The following IRF9 variants were observed in gnomAD, a reference collection of about 807,000 sequenced individuals.
IRF9 encodes interferon regulatory factor 9, also known as IFN-alpha-responsive transcription factor subunit.
IRF9 carries 13 observed loss-of-function variants against 44.1 expected under a neutral mutation model. The ratio of observed to expected loss-of-function variants is 0.29; its 90% CI spans 0.19 to 0.47. The LOEUF is 0.47. Among genes scored for constraint, IRF9 ranks in the 20% least tolerant of loss-of-function variants. IRF9 has a pLI of 1.00. For synonymous variants in IRF9, 189 were observed against 188.5 expected (o/e 1.00, Z -0.02); for missense variants, 373 against 496.1 (o/e 0.75, Z 2.36).
Position 24,163,935 on chromosome 14 carries a change from A to C in IRF9, c.553A>C (p.Ser185Arg), listed in dbSNP as rs768337516. The C allele has an allele frequency of 8.7e-6, 14 of 1,606,194 alleles. 1 individual carries two copies. The South Asian group carries it at 1.6e-4, about 18-fold the overall frequency. Residue 185 changes from serine to arginine, a missense_variant, in exon 5 of 9, where the codon AGC (serine) becomes CGC (arginine). This residue lies in a region of IRF9 where 227 missense variants were observed against 255.3 expected (regional missense o/e 0.89). Transcript: ENST00000396864. ...VHSDIGSSSS[S>R]SSPEPQEVTD... ...TTCAGACATTGGGAGCAGCAGCAGCAGCAGCAGCCCTGAGCCACAGGAAGG... is the reference window on the plus strand; with the variant it reads ...TTCAGACATTGGGAGCAGCAGCAGCCGCAGCAGCCCTGAGCCACAGGAAGG...
At chr14:24,162,100 C>T (rs2038464246) in intron 1 of IRF9, 44 bp from the exon 2 acceptor site, 1 of 1,584,276 alleles carries the variant, frequency 6.3e-7, no homozygotes, top group Non-Finnish European at 8.6e-7. Flanking sequence ...ATGTTCCCTC[C>T]CAAAGTGTCA....
Position 24,164,710 on chromosome 14 carries a change from G to T in IRF9, c.746G>T (p.Gly249Val), listed in dbSNP as rs370632116. 6.2e-7 allele frequency: 1 copy of T among 1,613,424 alleles called. No homozygotes were observed. The highest frequency in any genetic ancestry group is 2.2e-5 in the East Asian group (1 of 44,886). ...LDCRLVAEPS[G>V]SESSMEQVLF... is the part of the protein sequence containing the mutation. ...TGCCGCCTTGTGGCTGAGCCCTCAG[G>T]CTCTGAGAGCAGCATGGAGCAGGTG... Residue 249 changes from glycine (G) to valine (V), a missense_variant, in exon 7 of 9, where the codon GGC becomes GTC. Gly to Val is a moderately radical substitution (Grantham distance 109). Transcript: ENST00000396864. The surrounding 1 kb of genome is among the most constrained non-coding windows in gnomAD (Gnocchi z 5.2).
chr14:24,164,632 C>A lies in IRF9; in HGVS notation c.668C>A (p.Thr223Asn). Residue 223 changes from threonine to asparagine, a missense_variant, in exon 7 of 9, where the codon ACC (threonine) becomes AAC (asparagine). By Grantham distance (65) the Thr-to-Asn change is moderately conservative. This residue lies in a region of IRF9 where 146 missense variants were observed against 240.8 expected (regional missense o/e 0.61). Coordinates refer to ENST00000396864, the MANE Select transcript of IRF9 (RefSeq NM_006084.5). The surrounding 1 kb of genome is among the most constrained non-coding windows in gnomAD (Gnocchi z 5.2). Reference sequence around the variant, plus strand: ...TCCCCAGACTACTCACTGCTGCTCACCTTCATCTACAACGGGCGCGTGGTG... The same window carrying A: ...TCCCCAGACTACTCACTGCTGCTCAACTTCATCTACAACGGGCGCGTGGTG... ...PPEPDYSLLL[T>N]FIYNGRVVGE... 3 of 1,606,044 alleles carry A rather than the reference C, an allele frequency of 1.9e-6. No individual in the cohort carries two copies. The highest frequency in any genetic ancestry group is 2.6e-6 in the Non-Finnish European group (3 of 1,174,686).
chr14:24,166,290 T>C lies in IRF9; in HGVS notation c.*94T>C. ...TCACACGATTGACCTGTCCTCTTTGTGATAATTCTCAGTAGTTGTCCGTGA... is the reference window on the plus strand; with the variant it reads ...TCACACGATTGACCTGTCCTCTTTGCGATAATTCTCAGTAGTTGTCCGTGA... On this transcript the variant is annotated 3_prime_UTR_variant, in exon 9 of 9. Transcript: ENST00000396864. The C allele has an allele frequency of 9.1e-7, 1 of 1,102,602 alleles. No homozygotes were observed. Among genetic ancestry groups the C allele is most frequent in the Non-Finnish European group, 1.4e-6 (1 of 738,874 alleles). The allele number at this position is 1,102,602 out of a possible 1,614,324, so 68.3% of individuals were successfully genotyped here. A position where few individuals can be genotyped will look rare whatever the true frequency, so the allele number is the denominator to read the frequency against.
rs2038467548 is a variant in IRF9 at position 24,162,266 on chromosome 14, C to T, written c.122C>T (p.Pro41Leu). ...ACAGCTAAGACCATGTTCCGGATTC[C>T]CTGGAAACATGCAGGCAAGCAGGAC... is the stretch of plus-strand genomic sequence containing the variant. ...DDTAKTMFRI[P>L]WKHAGKQDFR... is the part of the protein sequence containing the mutation. Residue 41 changes from proline (P) to leucine (L), a missense_variant, in exon 2 of 9, where the codon CCC (proline) becomes CTC (leucine). Physicochemically the swap from Pro to Leu is moderately conservative, Grantham distance 98 (BLOSUM62 -3). Coordinates refer to ENST00000396864, the MANE Select transcript of IRF9 (RefSeq NM_006084.5). 3.1e-6 allele frequency: 5 copies of T among 1,614,096 alleles called. No individual in the cohort carries two copies. Among genetic ancestry groups the T allele is most frequent in the African/African-American group, 1.3e-5 (1 of 74,998 alleles).
rs2139107972 is a variant in IRF9 at position 24,166,349 on chromosome 14, C to T, written c.*153C>T. 1.5e-6 allele frequency: 1 copy of T among 677,096 alleles called. No individual in the cohort carries two copies. The allele number at this position is 677,096 out of a possible 1,614,324, so 41.9% of individuals were successfully genotyped here. A position where few individuals can be genotyped will look rare whatever the true frequency, so the allele number is the denominator to read the frequency against. The stretch of plus-strand genomic sequence containing the variant: ...TCCTGAAAATCCTCGCACACACTGG[C>T]TGGTGGAGAACTCAAGGCTAATTTT... On this transcript the variant is annotated 3_prime_UTR_variant, in exon 9 of 9. Coordinates refer to ENST00000396864, the MANE Select transcript of IRF9 (RefSeq NM_006084.5).
chr14:24,162,138 C>T lies in IRF9; in HGVS notation c.-1-6C>T, dbSNP rs764383454. 13 of 1,612,864 alleles carry T rather than the reference C, an allele frequency of 8.1e-6. No homozygotes were observed. In the Admixed American group the frequency reaches 1.8e-4, roughly 23 times the overall value. ...TCTGATGCATCCTGCTCCTATTATC[C>T]CCCAGGATGGCATCAGGCAGGGCAC... On this transcript the variant is annotated splice_polypyrimidine_tract_variant and splice_region_variant and intron_variant, in intron 1 of 8. Coordinates refer to ENST00000396864, the MANE Select transcript of IRF9 (RefSeq NM_006084.5).
At chr14:24,163,802 A>G (rs367867066) in intron 4 of IRF9, 76 bp from the exon 5 acceptor site, 12 of 1,438,082 alleles carry the variant, frequency 8.3e-6, no homozygotes, top group East Asian at 4.9e-5. Context: ...GCGCCACTGC[A>G]CTCCAGCCTG....
rs1356323666 is a variant in IRF9, at chr14:24,162,279, A to C, written c.135A>C (p.Ala45=). Residue 45 remains alanine (A), a synonymous_variant, in exon 2 of 9, where the codon GCA becomes GCC. Transcript: ENST00000396864. ...TGTTCCGGATTCCCTGGAAACATGC[A>C]GGCAAGCAGGACTTCCGGGAGGACC... The part of the protein sequence containing the change: ...KTMFRIPWKH[A]GKQDFREDQD... The C allele has an allele frequency of 6.2e-7, 1 of 1,614,180 alleles. No individual in the cohort carries two copies. The highest frequency in any genetic ancestry group is 1.7e-5 in the Admixed American group (1 of 60,022).
intron 8 of IRF9, 27 bp from the exon 9 acceptor site, chr14:24,166,095 T>A: frequency 6.2e-7 from 1 of 1,610,984 alleles, no homozygotes; most frequent in Non-Finnish European, 8.5e-7. Context: ...CGCACTGAGA[T>A]GCTCTTCTCC....
Position 24,164,178 on chromosome 14 carries a change from G to C in IRF9, c.649+44G>C, listed in dbSNP as rs753865002. On this transcript the variant is annotated intron_variant, in intron 6 of 8. Transcript: ENST00000396864. This position sits in a 1 kb window ranked among gnomAD's most constrained non-coding sequence, Gnocchi z 5.2. ...TTTCTCCTGTGCCCTGTGCCCCTGA[G>C]GTCTTCCACCTTTGACTATGCATGC... The C allele has an allele frequency of 3.3e-6, 5 of 1,534,922 alleles. No homozygotes were observed. In the East Asian group the frequency reaches 1.1e-4, roughly 34 times the overall value.
Position 24,162,764 on chromosome 14 carries a change from A to G in IRF9, c.181-202A>G, listed in dbSNP as rs56076165. On this transcript the variant is annotated intron_variant, in intron 2 of 8. Coordinates refer to ENST00000396864, the MANE Select transcript of IRF9 (RefSeq NM_006084.5). ...TAGTGAGTCGAGATCGCACCACTGCACTCCAGCCTGGTGACAGAGTGAGAC... is the reference window on the plus strand; with the variant it reads ...TAGTGAGTCGAGATCGCACCACTGCGCTCCAGCCTGGTGACAGAGTGAGAC... 1,568 of 551,036 alleles carry G rather than the reference A, an allele frequency of 2.8e-3. 32 individuals carry two copies. The East Asian group carries it at 0.043, about 15-fold the overall frequency. The allele number at this position is 551,036 out of a possible 1,614,324, so 34.1% of individuals were successfully genotyped here.
chr14:24,162,345 C>T, intron 2 of IRF9, 21 bp downstream of exon 2: 11 of 1,608,238 alleles, frequency 6.8e-6, no homozygotes, highest in Non-Finnish European at 9.3e-6. Flanking sequence ...CTGGAAACCA[C>T]TGTTCCTCTG....
intron 2 of IRF9, chr14:24,162,535 C>G (rs903106736): frequency 1.3e-5 from 7 of 542,568 alleles, no homozygotes; most frequent in African/African-American, 1.9e-5. Flanking sequence ...GGCACGGTGG[C>G]TCACGCCTGT....
Position 24,164,948 on chromosome 14 carries a change from C to T in IRF9, c.984C>T (p.Phe328=). Reference sequence around the variant, plus strand: ...TGGAGCTCTTCAGAACCGCCTACTTCTGCAGAGGTGAGGCTGTTCTCTCTG... The same window carrying T: ...TGGAGCTCTTCAGAACCGCCTACTTTTGCAGAGGTGAGGCTGTTCTCTCTG... ...ECVELFRTAY[F]CRDLVRYFQG... The change falls in exon 7 of 9, where the codon TTC becomes TTT. Residue 328 remains phenylalanine, a synonymous_variant. Transcript: ENST00000396864. This position sits in a 1 kb window ranked among gnomAD's most constrained non-coding sequence, Gnocchi z 5.2. 1.9e-6 allele frequency: 3 copies of T among 1,611,120 alleles called. No homozygotes were observed. The highest frequency in any genetic ancestry group is 2.5e-6 in the Non-Finnish European group (3 of 1,178,408).
In IRF9 at chr14:24,163,896, G is replaced by T. The variant is rs201838285; in HGVS notation, c.514G>T (p.Gly172Trp). 1.3e-6 allele frequency: 2 copies of T among 1,595,554 alleles called. No homozygotes were observed. Among genetic ancestry groups the T allele is most frequent in the Admixed American group, 1.9e-5 (1 of 52,610 alleles). ...SLNNEEEGAS[G>W]GAVHSDIGSS... is the part of the protein sequence containing the mutation. ...TCCGCAGGAGGAGGAGGGGGCCAGT[G>T]GGGGAGCAGTCCATTCAGACATTGG... The change falls in exon 5 of 9, where the codon GGG (glycine) becomes TGG (tryptophan). Residue 172 changes from glycine to tryptophan, a missense_variant. Transcript: ENST00000396864.
At chr14:24,165,202 G>A (rs1311513063) in intron 7 of IRF9, 2 of 702,714 alleles carry the variant, frequency 2.8e-6, no homozygotes, top group Admixed American at 4.0e-5. Flanking sequence ...CAGCACAAGA[G>A]TGTCATATCT....
chr14:24,165,830 G>A lies in IRF9; in HGVS notation c.992-17G>A. On this transcript the variant is annotated splice_polypyrimidine_tract_variant and intron_variant, in intron 7 of 8. Coordinates refer to ENST00000396864, the MANE Select transcript of IRF9 (RefSeq NM_006084.5). Reference sequence around the variant, plus strand: ...TCTTCTTTTTGTTCTTCGAACCCTTGACCCTTTCTCTTTCAGACTTGGTCA... The same window carrying A: ...TCTTCTTTTTGTTCTTCGAACCCTTAACCCTTTCTCTTTCAGACTTGGTCA... The A allele has an allele frequency of 3.2e-6, 5 of 1,584,804 alleles. No individual in the cohort carries two copies. Among genetic ancestry groups the A allele is most frequent in the Non-Finnish European group, 4.3e-6 (5 of 1,154,314 alleles).
At chr14:24,165,299 TCTC>T (rs929579883) in intron 7 of IRF9, 13 of 670,684 alleles carry the variant, frequency 1.9e-5, no homozygotes, top group African/African-American at 1.6e-4. Flanking sequence ...CTCATGGCCT[TCTC>T]CTACGTACAC....
Sources: gnomAD v4.1 joint callset for allele counts on GRCh38, gnomAD v4.1.1 for gene constraint, gnomAD v4.1.1 regional missense constraint, Gnocchi (gnomAD v3.1) non-coding constraint, MANE v1.5 for transcripts, NCBI Gene and HGNC (gene_info 2026-07-23, HGNC 2026-07-21) for gene names.